SEMA5A: variants seen among roughly 807,000 people sequenced by gnomAD.
SEMA5A encodes semaphorin 5A.
Under a neutral mutation model 135.5 loss-of-function variants are expected in SEMA5A, and 55 were observed. That is an observed-to-expected ratio of 0.41 (90% confidence interval 0.33 to 0.51). The LOEUF (loss-of-function observed/expected upper bound fraction) is 0.51, where lower values mean the gene tolerates loss of function less well. Among genes scored for constraint, SEMA5A ranks in the 20% least tolerant of loss-of-function variants. The pLI, the probability that SEMA5A is intolerant of heterozygous loss-of-function variation, is 0.37. For synonymous variants in SEMA5A, 580 were observed against 546.5 expected, an observed-to-expected ratio of 1.06 and a Z score of -0.85; for missense variants, 1,290 against 1,419.9, an observed-to-expected ratio of 0.91 and a Z score of 1.47.
chr5:9,067,714 C>T (rs773131372), intron 16 of SEMA5A, among the ~76,000 whole-genome samples: 5 of 152,128 alleles, frequency 3.3e-5, no homozygotes, highest in African/African-American at 4.8e-5. Flanking sequence ...TCTACAAATT[C>T]CTTTGGTTTT....
At chr5:9,120,873 G>A (rs921414319) in intron 14 of SEMA5A, among the ~76,000 whole-genome samples, 1 of 151,820 alleles carries the variant, frequency 6.6e-6, no homozygotes, top group African/African-American at 2.4e-5. Context: ...CCGCCTGCTG[G>A]GTTCAAGAGA....
At chr5:9,381,554 C>G (rs996402991) in intron 2 of SEMA5A, among the ~76,000 whole-genome samples, 4 of 152,160 alleles carry the variant, frequency 2.6e-5, no homozygotes, top group African/African-American at 9.7e-5. Flanking sequence ...AGAACACATT[C>G]TTTAAGACAC....
At chr5:9,380,383 C>T (rs1021197385) in intron 2 of SEMA5A, among the ~76,000 whole-genome samples, 4 of 152,182 alleles carry the variant, frequency 2.6e-5, no homozygotes, top group African/African-American at 9.7e-5. Flanking sequence ...CCTGTCCTAA[C>T]CCCTTGCGCA....
rs1413479830 is a variant in SEMA5A at position 9,036,554 on chromosome 5, T to C, written c.*6343A>G. On this transcript the variant is annotated 3_prime_UTR_variant, in exon 23 of 23. Coordinates refer to ENST00000382496, the MANE Select transcript of SEMA5A (RefSeq NM_003966.3). ...TTATTACAGAACAATCACTATGATT[T>C]TTTTTGGAACATGTAAAAATTAAAG... 1 of 152,168 alleles carries C rather than the reference T, an allele frequency of 6.6e-6. No homozygotes were observed. Among genetic ancestry groups the C allele is most frequent in the African/African-American group, 2.4e-5 (1 of 41,434 alleles). The allele number at this position is 152,168 out of a possible 1,614,324, so 9.4% of individuals were successfully genotyped here.
At chr5:9,314,468 ACT>A (rs930455005) in intron 5 of SEMA5A, among the ~76,000 whole-genome samples, 3 of 151,870 alleles carry the variant, frequency 2.0e-5, no homozygotes, top group African/African-American at 7.3e-5. Context: ...AGTAAAATAT[ACT>A]GTTAGTAGTC....
At chr5:9,345,368 C>CT (rs1225292377) in intron 3 of SEMA5A, among the ~76,000 whole-genome samples, 1 of 152,192 alleles carries the variant, frequency 6.6e-6, no homozygotes, top group Non-Finnish European at 1.5e-5. Flanking sequence ...ACCACCTGCC[C>CT]TGGCAGCCTT....
At chr5:9,053,674 TG>T (rs1359266725) in intron 19 of SEMA5A, 1 of 155,806 alleles carries the variant, frequency 6.4e-6, no homozygotes, top group African/African-American at 2.4e-5. Flanking sequence ...GCACTAAAAA[TG>T]TTCGTTCTTT....
intron 5 of SEMA5A, among the ~76,000 whole-genome samples, chr5:9,281,025 G>C (rs1750514447): frequency 6.6e-6 from 1 of 152,054 alleles, no homozygotes; most frequent in Admixed American, 6.6e-5. Flanking sequence ...ATAACCCTAT[G>C]AGTTACAAAC....
At chr5:9,301,705 G>A (rs1203173887) in intron 5 of SEMA5A, among the ~76,000 whole-genome samples, 1 of 152,120 alleles carries the variant, frequency 6.6e-6, no homozygotes, top group Non-Finnish European at 1.5e-5. Flanking sequence ...GGGCACTTGG[G>A]TCATTTACAG....
At chr5:9,452,784 A>G (rs1758694485) in intron 1 of SEMA5A, among the ~76,000 whole-genome samples, 1 of 152,212 alleles carries the variant, frequency 6.6e-6, no homozygotes, top group South Asian at 2.1e-4. Context: ...AAAGCTCCAG[A>G]GTCACTGTTC....
At chr5:9,054,372 T>G (rs1027499425) in intron 18 of SEMA5A, 115 bp from the exon 19 acceptor site, 50 of 1,342,248 alleles carry the variant, frequency 3.7e-5, no homozygotes, top group Non-Finnish European at 4.9e-5. Context: ...AAATGGAATC[T>G]GCACTCCAGA....
intron 14 of SEMA5A, 55 bp from the exon 15 acceptor site, chr5:9,119,196 C>T (rs1311798356): frequency 1.3e-6 from 2 of 1,585,434 alleles, no homozygotes; most frequent in Admixed American, 3.6e-5. Flanking sequence ...GAGTCCAAGC[C>T]CTGTCTGCAC....
At chr5:9,369,510 ATTG>A (rs80251484) in intron 3 of SEMA5A, among the ~76,000 whole-genome samples, 2 of 152,236 alleles carry the variant, frequency 1.3e-5, no homozygotes, top group East Asian at 3.9e-4. Flanking sequence ...CTATCAGGTA[ATTG>A]TTGTATATTG....
intron 5 of SEMA5A, among the ~76,000 whole-genome samples, chr5:9,258,753 T>C (rs767962801): frequency 2.6e-5 from 4 of 151,374 alleles, no homozygotes; most frequent in Non-Finnish European, 5.9e-5. Context: ...CCTGTGATAT[T>C]GTTAACTACA....
chr5:9,464,160 T>C (rs894732879), intron 1 of SEMA5A, among the ~76,000 whole-genome samples: 4 of 152,152 alleles, frequency 2.6e-5, no homozygotes, highest in African/African-American at 9.7e-5. Context: ...TCATTAGACA[T>C]TGCCAAATGT....
chr5:9,072,637 C>G (rs183477479), intron 16 of SEMA5A, among the ~76,000 whole-genome samples: 73 of 152,260 alleles, frequency 4.8e-4, no homozygotes, highest in African/African-American at 1.7e-3. Flanking sequence ...CAAAAGGGGC[C>G]TTGCTTCCAC....
chr5:9,521,822 C>A (rs568488199), intron 1 of SEMA5A, among the ~76,000 whole-genome samples: 1 of 152,152 alleles, frequency 6.6e-6, no homozygotes, highest in African/African-American at 2.4e-5. Context: ...CCCTTCACCC[C>A]ACAAATCATG....
At chr5:9,190,240 C>A in intron 11 of SEMA5A, 27 bp downstream of exon 11, 2 of 1,605,992 alleles carry the variant, frequency 1.2e-6, no homozygotes, top group Non-Finnish European at 1.7e-6. Context: ...TGGTAGAAAA[C>A]CCCTCAGAGG....
At chr5:9,450,601 C>T (rs1315430017) in intron 1 of SEMA5A, among the ~76,000 whole-genome samples, 1 of 152,116 alleles carries the variant, frequency 6.6e-6, no homozygotes, top group East Asian at 1.9e-4. Context: ...CCCCTCTCCA[C>T]TCACCCAGCT....
Sources: allele counts gnomAD v4.1 joint callset (sites outside exome capture counted in the v4.1 genomes callset), GRCh38; gene constraint gnomAD v4.1.1; transcripts MANE v1.5; gene names NCBI Gene and HGNC (gene_info 2026-07-23, HGNC 2026-07-21).